CFAP53: variants seen among roughly 807,000 people sequenced by gnomAD.
CFAP53 encodes cilia- and flagella-associated protein 53.
CFAP53 carries 62 observed loss-of-function variants against 59.7 expected under a neutral mutation model. That is an observed-to-expected ratio of 1.04 (90% CI 0.85 to 1.28). The LOEUF (loss-of-function observed/expected upper bound fraction) is 1.28, where lower values mean the gene tolerates loss of function less well. Ranked by LOEUF, CFAP53 falls within the 50% of genes most tolerant of loss-of-function variation. The pLI, the probability that CFAP53 is intolerant of heterozygous loss-of-function variation, is 0.00. For missense variants in CFAP53, 629 were observed against 615.6 expected (o/e 1.02, Z -0.23); for synonymous variants, 218 against 205.7 (o/e 1.06, Z -0.51).
intron 6 of CFAP53, among the ~76,000 whole-genome samples, chr18:50,241,805 G>A (rs558956613): frequency 1.6e-4 from 24 of 152,216 alleles, no homozygotes; most frequent in East Asian, 5.8e-4. Context: ...GAGGGTCTGC[G>A]TCCCACTGTG....
At chr18:50,252,996 C>G (rs976222520) in intron 3 of CFAP53, among the ~76,000 whole-genome samples, 5 of 151,946 alleles carry the variant, frequency 3.3e-5, no homozygotes, top group African/African-American at 1.2e-4. Context: ...AACCTGCACT[C>G]TAGGTCAGTA....
rs1427388305 is a variant in CFAP53, at chr18:50,266,435, T to C, written c.-31A>G. On this transcript the variant is annotated 5_prime_UTR_variant, in exon 1 of 8. Coordinates refer to ENST00000398545, the MANE Select transcript of CFAP53 (RefSeq NM_145020.5). ...AGTCCCCTTCGGGACGGGGGCGGCG[T>C]CCGCCGCGTTTCCCCCAACCGTGGC... The C allele has an allele frequency of 6.2e-7, 1 of 1,610,580 alleles. No individual in the cohort carries two copies. The highest frequency in any genetic ancestry group is 8.5e-7 in the Non-Finnish European group (1 of 1,176,788).
chr18:50,250,710 G>C, intron 5 of CFAP53, 48 bp downstream of exon 5: 11 of 1,457,682 alleles, frequency 7.5e-6, no homozygotes, highest in Non-Finnish European at 9.6e-6. Context: ...TGAGAACTCA[G>C]TAAGGAATCC....
chr18:50,252,640 C>T (rs2033812235), intron 3 of CFAP53, among the ~76,000 whole-genome samples: 1 of 151,878 alleles, frequency 6.6e-6, no homozygotes, highest in Admixed American at 6.5e-5. Flanking sequence ...AAATCCTAGT[C>T]TGAAGTGACC....
chr18:50,251,386 C>A, intron 4 of CFAP53, 95 bp downstream of exon 4: 4 of 1,109,520 alleles, frequency 3.6e-6, no homozygotes, highest in Non-Finnish European at 5.2e-6. Flanking sequence ...TGTGAACTAG[C>A]CCAGGCCATC....
intron 7 of CFAP53, among the ~76,000 whole-genome samples, chr18:50,238,216 C>A (rs2033656073): frequency 6.6e-6 from 1 of 152,124 alleles, no homozygotes; most frequent in Admixed American, 6.6e-5. Context: ...GTCAATAATG[C>A]ATGAATTATG....
chr18:50,260,585 G>A lies in CFAP53; in HGVS notation c.473+479C>T, dbSNP rs566242442. Among the ~76,000 whole-genome samples the A allele has an allele frequency of 2.0e-4, 31 of 152,190 alleles. No individual in the cohort carries two copies. The South Asian group carries it at 6.4e-3, about 32-fold the overall frequency. On this transcript the variant is annotated intron_variant, in intron 3 of 7. Transcript: ENST00000398545. ...GAGGCTGAGGTGGGAGGATCACTTT[G>A]GGCTCAGGAGGTGGAGGTTGTAGTC...
intron 1 of CFAP53, among the ~76,000 whole-genome samples, chr18:50,264,632 CTCTAACA>C (rs1426168357): frequency 6.6e-6 from 1 of 152,200 alleles, no homozygotes; most frequent in Non-Finnish European, 1.5e-5. Flanking sequence ...ATTCTGCTAC[CTCTAACA>C]TCTATCTTTC....
rs1276665739 is a variant in CFAP53, at chr18:50,261,041, T to C, written c.473+23A>G. The C allele has an allele frequency of 3.8e-6, 6 of 1,585,428 alleles. No homozygotes were observed. The African/African-American group carries it at 4.1e-5, about 11-fold the overall frequency. On this transcript the variant is annotated intron_variant, in intron 3 of 7. Transcript: ENST00000398545. ...TAATGTACCAACTTTGGATTCTGTTTGTGTGTTTTCTGATTTCATTACCTG... is the reference window on the plus strand; with the variant it reads ...TAATGTACCAACTTTGGATTCTGTTCGTGTGTTTTCTGATTTCATTACCTG...
rs71169499 is a variant in CFAP53, at chr18:50,261,252, C to CAA, written c.300-17_300-16dup. 832 of 1,214,246 alleles carry CAA rather than the reference C, an allele frequency of 6.9e-4. 1 individual carries two copies. Among genetic ancestry groups the CAA allele is most frequent in the African/African-American group, 2.4e-3 (128 of 52,532 alleles). The allele number at this position is 1,214,246 out of a possible 1,614,324, so 75.2% of individuals were successfully genotyped here. ...GCTCACGTAGCCTGAAACAAAAAGCCAAAAAAAAAAAAAAAAAAAGAAAAC... is the reference window on the plus strand; with the variant it reads ...GCTCACGTAGCCTGAAACAAAAAGCCAAAAAAAAAAAAAAAAAAAAAGAAAAC... On this transcript the variant is annotated splice_polypyrimidine_tract_variant and intron_variant, in intron 2 of 7. Transcript: ENST00000398545.
intron 7 of CFAP53, 102 bp downstream of exon 7, chr18:50,238,501 C>T (rs1222551907): frequency 1.3e-5 from 9 of 684,718 alleles, no homozygotes; most frequent in Non-Finnish European, 2.0e-5. Flanking sequence ...ATCCTCTTTC[C>T]TCAGCCTCCC....
chr18:50,246,382 G>T (rs925205998), intron 5 of CFAP53, among the ~76,000 whole-genome samples: 3 of 152,126 alleles, frequency 2.0e-5, no homozygotes, highest in Non-Finnish European at 4.4e-5. Flanking sequence ...AACAATTAGA[G>T]AATTATTTCA....
intron 5 of CFAP53, among the ~76,000 whole-genome samples, chr18:50,248,783 TAAAAAA>T (rs748223121): frequency 1.7e-5 from 1 of 58,178 alleles, no homozygotes; most frequent in Non-Finnish European, 3.5e-5. Context: ...AGACTCCGCC[TAAAAAA>T]AAAAAAAAAA....
intron 7 of CFAP53, among the ~76,000 whole-genome samples, chr18:50,232,001 A>T (rs2033588106): frequency 1.3e-5 from 2 of 152,322 alleles, no homozygotes; most frequent in South Asian, 2.1e-4. Context: ...GCCATCCAGC[A>T]TAAGGCCCCT....
In CFAP53 at chr18:50,242,956, C is replaced by T; in HGVS notation, c.1157G>A (p.Arg386Lys). The change falls in exon 6 of 8, where the codon AGG becomes AAG. Residue 386 changes from arginine (R) to lysine (K), a missense_variant. Transcript: ENST00000398545. ...DKELRLEKEA[R>K]RQLVDEVMCT... ...CATGACCTCATCCACAAGCTGTCTC[C>T]TTGCCTCCTTTTCAAGTCTCAGCTC... The T allele has an allele frequency of 6.2e-7, 1 of 1,613,960 alleles. No individual in the cohort carries two copies. Among genetic ancestry groups the T allele is most frequent in the East Asian group, 2.2e-5 (1 of 44,878 alleles).
chr18:50,266,492 GT>G lies in CFAP53; in HGVS notation c.-89del. ...CGGGACCCGCTTCCGCGACGCAGAA[GT>G]CTGGTTGCCATGGTGCGCCTCGCGG... On this transcript the variant is annotated 5_prime_UTR_variant, in exon 1 of 8. Transcript: ENST00000398545. 7.3e-7 allele frequency: 1 copy of G among 1,362,000 alleles called. No individual in the cohort carries two copies. Among genetic ancestry groups the G allele is most frequent in the Non-Finnish European group, 1.1e-6 (1 of 951,228 alleles). The allele number at this position is 1,362,000 out of a possible 1,614,324, so 84.4% of individuals were successfully genotyped here. A position where few individuals can be genotyped will look rare whatever the true frequency, so the allele number is the denominator to read the frequency against.
chr18:50,262,082 G>A lies in CFAP53; in HGVS notation c.207C>T (p.His69=), dbSNP rs747493317. ...RDRLKAEWDQ[H]NDCKILDSLV... ...GGCTGTCCAAAATCTTGCAGTCATTGTGCTGGTCCCACTCAGCTTTCAAGC... is the reference window on the plus strand; with the variant it reads ...GGCTGTCCAAAATCTTGCAGTCATTATGCTGGTCCCACTCAGCTTTCAAGC... The change falls in exon 2 of 8, where the codon CAC becomes CAT. Residue 69 remains histidine (H), a synonymous_variant. Coordinates refer to ENST00000398545, the MANE Select transcript of CFAP53 (RefSeq NM_145020.5). 1 of 1,614,192 alleles carries A rather than the reference G, an allele frequency of 6.2e-7. No individual in the cohort carries two copies. Among genetic ancestry groups the A allele is most frequent in the Admixed American group, 1.7e-5 (1 of 60,024 alleles).
intron 3 of CFAP53, among the ~76,000 whole-genome samples, chr18:50,257,506 T>A (rs9635954): frequency 0.7 from 106,749 of 152,094 alleles, 37,630 homozygotes; most frequent in East Asian, 0.79. Flanking sequence ...TTTAAAAAGT[T>A]ATCCCATTTA....
chr18:50,244,264 G>A (rs1314705697), intron 5 of CFAP53, among the ~76,000 whole-genome samples: 1 of 152,154 alleles, frequency 6.6e-6, no homozygotes, highest in Non-Finnish European at 1.5e-5. Flanking sequence ...CCTGGTGGGA[G>A]GTGATTGGGT....
Sources: gnomAD v4.1 joint callset for allele counts (sites outside exome capture counted in the v4.1 genomes callset) on GRCh38, gnomAD v4.1.1 for gene constraint, MANE v1.5 for transcripts, NCBI Gene and HGNC (gene_info 2026-07-23, HGNC 2026-07-21) for gene names.